The following L3MBTL4 variants were observed in gnomAD, a reference collection of about 807,000 sequenced individuals.
L3MBTL4 encodes the protein L3MBTL histone methyl-lysine binding protein 4.
L3MBTL4 carries 70 observed loss-of-function variants against 84.5 expected under a neutral mutation model. The ratio of observed to expected loss-of-function variants is 0.83; its 90% CI spans 0.68 to 1.01. The LOEUF (loss-of-function observed/expected upper bound fraction) is 1.01. L3MBTL4 is among the 50% of genes least tolerant of loss of function. The probability of loss-of-function intolerance (pLI) is 0.00; values close to 1 mark genes in which losing one functional copy is unlikely to be tolerated. For missense variants in L3MBTL4, 715 were observed against 754.8 expected, an observed-to-expected ratio of 0.95 and a Z score of 0.62; for synonymous variants, 274 against 259.8, an observed-to-expected ratio of 1.05 and a Z score of -0.52.
intron 16 of L3MBTL4, among the ~76,000 whole-genome samples, chr18:5,989,714 A>T (rs541741229): frequency 6.6e-6 from 1 of 152,328 alleles, no homozygotes; most frequent in African/African-American, 2.4e-5. Flanking sequence ...TTCCGCAGTT[A>T]TTATGTGCTC....
At chr18:6,226,459 T>TA (rs2046787274) in intron 10 of L3MBTL4, among the ~76,000 whole-genome samples, 1 of 152,066 alleles carries the variant, frequency 6.6e-6, no homozygotes, top group South Asian at 2.1e-4. Flanking sequence ...TGTCATAATC[T>TA]AAAACAAATA....
At chr18:6,201,987 G>A (rs927807019) in intron 12 of L3MBTL4, among the ~76,000 whole-genome samples, 1 of 152,172 alleles carries the variant, frequency 6.6e-6, no homozygotes, top group Admixed American at 6.5e-5. Flanking sequence ...ACACAGTGAA[G>A]TGCAACTAAT....
chr18:6,130,442 G>C (rs760973449), intron 14 of L3MBTL4, among the ~76,000 whole-genome samples: 2 of 151,702 alleles, frequency 1.3e-5, no homozygotes, highest in Admixed American at 1.3e-4. Flanking sequence ...TCTGATACCC[G>C]CCCCCCCAAC....
chr18:6,199,013 T>C (rs1417247150), intron 12 of L3MBTL4, among the ~76,000 whole-genome samples: 1 of 152,104 alleles, frequency 6.6e-6, no homozygotes, highest in African/African-American at 2.4e-5. Context: ...TCCCCACTCA[T>C]TTAAATTACA....
chr18:6,249,963 C>T (rs112851372), intron 5 of L3MBTL4, among the ~76,000 whole-genome samples: 50 of 152,320 alleles, frequency 3.3e-4, no homozygotes, highest in African/African-American at 1.1e-3. Flanking sequence ...TTGTGAAAAC[C>T]TGCCAGCTGT....
chr18:6,309,680 G>A (rs971688023), intron 3 of L3MBTL4, among the ~76,000 whole-genome samples: 1 of 152,152 alleles, frequency 6.6e-6, no homozygotes, highest in Non-Finnish European at 1.5e-5. Flanking sequence ...AAACTGAGTT[G>A]GTCTTTAAGA....
chr18:6,182,360 T>C (rs2044514165), intron 12 of L3MBTL4, among the ~76,000 whole-genome samples: 1 of 152,226 alleles, frequency 6.6e-6, no homozygotes, highest in East Asian at 1.9e-4. Flanking sequence ...GTTGCCTACT[T>C]GTTGATTTGT....
chr18:6,329,258 A>T (rs2051896161), intron 1 of L3MBTL4, among the ~76,000 whole-genome samples: 1 of 144,022 alleles, frequency 6.9e-6, no homozygotes, highest in African/African-American at 2.6e-5. Context: ...GGTTCACGCC[A>T]TTCTCCTGCC....
At chr18:6,369,655 CA>C (rs2054078029) in intron 1 of L3MBTL4, among the ~76,000 whole-genome samples, 2 of 152,040 alleles carry the variant, frequency 1.3e-5, no homozygotes, top group Non-Finnish European at 2.9e-5. Context: ...GAAAGCCAAG[CA>C]GGATTACAGC....
intron 14 of L3MBTL4, among the ~76,000 whole-genome samples, chr18:6,137,913 G>T (rs2060074088): frequency 6.6e-6 from 1 of 152,200 alleles, no homozygotes; most frequent in African/African-American, 2.4e-5. Flanking sequence ...CAGGGTGGTG[G>T]GTGTGTATGA....
chr18:6,072,576 C>G (rs1026657917), intron 16 of L3MBTL4, among the ~76,000 whole-genome samples: 2 of 151,428 alleles, frequency 1.3e-5, no homozygotes, highest in Non-Finnish European at 2.9e-5. Flanking sequence ...AGCGGTGGCT[C>G]ACGCTTGTAA....
intron 16 of L3MBTL4, among the ~76,000 whole-genome samples, chr18:5,976,032 C>T (rs1567938229): frequency 6.6e-6 from 1 of 152,164 alleles, no homozygotes; most frequent in Non-Finnish European, 1.5e-5. Context: ...CAGAGATTGT[C>T]CACTGCTTAG....
chr18:6,161,877 C>T (rs2043355505), intron 13 of L3MBTL4, among the ~76,000 whole-genome samples: 1 of 151,636 alleles, frequency 6.6e-6, no homozygotes, highest in South Asian at 2.1e-4. Flanking sequence ...ACCACAGTCC[C>T]TTCAGACACA....
intron 1 of L3MBTL4, among the ~76,000 whole-genome samples, chr18:6,375,306 C>T (rs750733069): frequency 3.5e-4 from 54 of 152,134 alleles, no homozygotes; most frequent in Non-Finnish European, 6.3e-4. Context: ...GGATAAAGTC[C>T]AGGCTGCCAC....
chr18:6,383,023 A>G (rs937326125), intron 1 of L3MBTL4, among the ~76,000 whole-genome samples: 27 of 152,058 alleles, frequency 1.8e-4, no homozygotes, highest in Admixed American at 6.5e-4. Context: ...AGAGAGGAGA[A>G]ATCTCTGGCA....
At chr18:6,145,267 G>C (rs1179637102) in intron 13 of L3MBTL4, among the ~76,000 whole-genome samples, 1 of 152,116 alleles carries the variant, frequency 6.6e-6, no homozygotes, top group Non-Finnish European at 1.5e-5. Flanking sequence ...TGGTGACTCT[G>C]GGTGATGTAA....
chr18:6,246,471 A>G (rs1229841143), intron 5 of L3MBTL4, among the ~76,000 whole-genome samples: 1 of 152,258 alleles, frequency 6.6e-6, no homozygotes, highest in South Asian at 2.1e-4. Context: ...AATTGCAAAT[A>G]ATCATATACT....
chr18:6,046,443 C>A (rs1487092196), intron 16 of L3MBTL4, among the ~76,000 whole-genome samples: 1 of 152,174 alleles, frequency 6.6e-6, no homozygotes, highest in East Asian at 1.9e-4. Flanking sequence ...CCAATCAAAA[C>A]AGAATATGCA....
At chr18:6,339,262 A>C (rs2052492736) in intron 1 of L3MBTL4, among the ~76,000 whole-genome samples, 1 of 152,238 alleles carries the variant, frequency 6.6e-6, no homozygotes, top group South Asian at 2.1e-4. Flanking sequence ...GTCATAAAGC[A>C]GACTTCAAAA....
Sources: allele counts gnomAD v4.1 joint callset (sites outside exome capture counted in the v4.1 genomes callset), GRCh38; gene constraint gnomAD v4.1.1; transcripts MANE v1.5; gene names NCBI Gene and HGNC (gene_info 2026-07-23, HGNC 2026-07-21).